Variants in PECAM1 observed in about 807,000 individuals in gnomAD.
PECAM1 encodes platelet and endothelial cell adhesion molecule 1, also known as platelet endothelial cell adhesion molecule.
In PECAM1, 8 loss-of-function variants were observed where a neutral mutation model predicts 13.8. That is an observed-to-expected ratio of 0.58 (90% CI 0.34 to 1.05). The LOEUF is 1.05. PECAM1 is among the 50% of genes least tolerant of loss of function. PECAM1 has a pLI of 0.03. For missense variants in PECAM1, 304 were observed against 141.2 expected, an observed-to-expected ratio of 2.15 and a Z score of -5.84; for synonymous variants, 136 against 52.6, an observed-to-expected ratio of 2.58 and a Z score of -6.86.
intron 14 of PECAM1, among the ~76,000 whole-genome samples, chr17:64,340,606 T>C (rs1041887676): frequency 1.2e-4 from 19 of 152,248 alleles, no homozygotes; most frequent in African/African-American, 4.3e-4. Flanking sequence ...ACAGTTATTA[T>C]ACCCCCCCAC....
rs118193636 is a variant in PECAM1 at position 64,337,492 on chromosome 17, T to C, written c.2164+4142A>G. On this transcript the variant is annotated intron_variant, in intron 14 of 15. Transcript: ENST00000563924. Reference sequence around the variant, plus strand: ...ACCAGCACCATCTCCCATGATTCTATCTCATTTAACCCCATTTGCATTTAA... The same window carrying C: ...ACCAGCACCATCTCCCATGATTCTACCTCATTTAACCCCATTTGCATTTAA... Among the ~76,000 whole-genome samples the C allele has an allele frequency of 4.8e-3, 726 of 152,268 alleles. 7 individuals are homozygous for C. Among genetic ancestry groups the C allele is most frequent in the African/African-American group, 0.017 (706 of 41,548 alleles).
intron 14 of PECAM1, among the ~76,000 whole-genome samples, chr17:64,340,870 C>A (rs907242066): frequency 6.6e-6 from 1 of 151,944 alleles, no homozygotes; most frequent in South Asian, 2.1e-4. Context: ...GGCCGAGGCG[C>A]GCGGATTACC....
At chr17:64,347,266 C>G (rs1474478557) in intron 13 of PECAM1, among the ~76,000 whole-genome samples, 1 of 151,674 alleles carries the variant, frequency 6.6e-6, no homozygotes, top group Non-Finnish European at 1.5e-5. Flanking sequence ...ACCTGTAATC[C>G]CAGCACTTTG....
chr17:64,336,357 G>A (rs1372246710), intron 14 of PECAM1, among the ~76,000 whole-genome samples: 2 of 152,120 alleles, frequency 1.3e-5, no homozygotes, highest in African/African-American at 4.8e-5. Flanking sequence ...GAGAGGCTGA[G>A]GATGAGTGTG....
At chr17:64,341,096 CA>C (rs147972145) in intron 14 of PECAM1, among the ~76,000 whole-genome samples, 222 of 116,004 alleles carry the variant, frequency 1.9e-3, no homozygotes, top group Admixed American at 5.4e-3. Context: ...AACTCTGTCT[CA>C]AAAAAAAAAA....
intron 2 of PECAM1, among the ~76,000 whole-genome samples, chr17:64,389,692 A>G (rs1204731896): frequency 6.6e-6 from 1 of 152,174 alleles, no homozygotes. Flanking sequence ...CTAATTATGG[A>G]ATTGCTCATT....
chr17:64,325,369 C>A (rs556427063), intron 15 of PECAM1, among the ~76,000 whole-genome samples: 4 of 151,508 alleles, frequency 2.6e-5, no homozygotes, highest in Non-Finnish European at 4.4e-5. Flanking sequence ...ACCTGGGCGA[C>A]AGAGCAAGAC....
intron 2 of PECAM1, among the ~76,000 whole-genome samples, chr17:64,383,225 G>A (rs2036522156): frequency 6.6e-6 from 1 of 152,068 alleles, no homozygotes; most frequent in Non-Finnish European, 1.5e-5. Context: ...AGACAGTGCT[G>A]GGTACAGAAG....
At chr17:64,374,982 C>G in intron 4 of PECAM1, 69 bp downstream of exon 4, 2 of 444,032 alleles carry the variant, frequency 4.5e-6, no homozygotes, top group East Asian at 6.5e-5. Flanking sequence ...CTTCCCAGTT[C>G]TGGGTTCTTT....
At chr17:64,327,309 G>C (rs1555645882) in intron 15 of PECAM1, among the ~76,000 whole-genome samples, 1 of 152,202 alleles carries the variant, frequency 6.6e-6, no homozygotes, top group Non-Finnish European at 1.5e-5. Context: ...GCTTTTATAT[G>C]GTGGTTGCAG....
rs1393238422 is a variant in PECAM1, at chr17:64,319,870, T to C, written c.*3946A>G. The C allele has an allele frequency of 1.3e-5, 2 of 152,182 alleles. No individual in the cohort carries two copies. Among genetic ancestry groups the C allele is most frequent in the African/African-American group, 4.8e-5 (2 of 41,434 alleles). The allele number at this position is 152,182 out of a possible 1,614,324, so 9.4% of individuals were successfully genotyped here. On this transcript the variant is annotated 3_prime_UTR_variant, in exon 16 of 16. Transcript: ENST00000563924. ...TTTTGTATCTATTGAGAGACTGTCC[T>C]TGCTTGGAGCTGGCTGCAACCAATT...
intron 5 of PECAM1, among the ~76,000 whole-genome samples, chr17:64,364,820 C>G (rs2036066259): frequency 6.6e-6 from 1 of 151,592 alleles, no homozygotes; most frequent in Non-Finnish European, 1.5e-5. Context: ...TGGGACGTAT[C>G]TCAAAATAAT....
intron 14 of PECAM1, 75 bp from the exon 15 acceptor site, chr17:64,329,797 T>A: frequency 4.1e-6 from 3 of 732,180 alleles, no homozygotes; most frequent in Non-Finnish European, 5.1e-6. Context: ...CATCACAGGG[T>A]CAGGAGCAGG....
chr17:64,375,507 C>T (rs900878027), intron 3 of PECAM1, among the ~76,000 whole-genome samples, 151 bp from the exon 4 acceptor site: 8 of 152,084 alleles, frequency 5.3e-5, no homozygotes, highest in African/African-American at 1.4e-4. Context: ...ACACCCAGTG[C>T]GACCTACCAG....
rs1450814476 is a variant in PECAM1, at chr17:64,360,276, C to G, written c.1356G>C (p.Glu452Asp). ...GATCATTTGAGTTCTTGGTACTATT[C>G]TCCAAAACTTTACTTGTTTTTAAAA... is the stretch of plus-strand genomic sequence containing the variant. ...YQLLKTSKVLENSTKNSNDPA... is the reference protein window; with the variant it reads ...YQLLKTSKVLDNSTKNSNDPA... The change falls in exon 7 of 16, where the codon GAG becomes GAC. Residue 452 changes from glutamate (E) to aspartate (D), a missense_variant. Coordinates refer to ENST00000563924, the MANE Select transcript of PECAM1 (RefSeq NM_000442.5). 1 of 475,260 alleles carries G rather than the reference C, an allele frequency of 2.1e-6. No homozygotes were observed. The highest frequency in any genetic ancestry group is 2.0e-5 in the African/African-American group (1 of 50,508). 29.4% of individuals were successfully genotyped at this position (475,260 alleles called of 1,614,324 possible).
At chr17:64,340,076 G>A (rs1222568034) in intron 14 of PECAM1, among the ~76,000 whole-genome samples, 1 of 152,124 alleles carries the variant, frequency 6.6e-6, no homozygotes, top group Non-Finnish European at 1.5e-5. Flanking sequence ...GGGCCGGGGG[G>A]TGTTGCACGG....
At chr17:64,382,068 C>T (rs892610832) in intron 2 of PECAM1, among the ~76,000 whole-genome samples, 7 of 152,104 alleles carry the variant, frequency 4.6e-5, no homozygotes, top group African/African-American at 1.7e-4. Context: ...CCATTGCACT[C>T]CAGCCTGGGA....
At chr17:64,337,557 G>A (rs946900549) in intron 14 of PECAM1, among the ~76,000 whole-genome samples, 1 of 152,110 alleles carries the variant, frequency 6.6e-6, no homozygotes, top group Non-Finnish European at 1.5e-5. Flanking sequence ...AAGACATCTT[G>A]GTCACAGTAA....
intron 14 of PECAM1, among the ~76,000 whole-genome samples, chr17:64,336,371 G>A (rs1044200001): frequency 1.6e-3 from 248 of 152,256 alleles, no homozygotes; most frequent in African/African-American, 5.7e-3. Flanking sequence ...GAGTGTGAGA[G>A]AAGCCTAAGC....
Sources: gnomAD v4.1 joint callset for allele counts (sites outside exome capture counted in the v4.1 genomes callset) on GRCh38, gnomAD v4.1.1 for gene constraint, MANE v1.5 for transcripts, NCBI Gene and HGNC (gene_info 2026-07-23, HGNC 2026-07-21) for gene names.